The following SUN2 variants were observed in gnomAD, a reference collection of about 807,000 sequenced individuals.
The protein encoded by SUN2 is SUN domain-containing protein 2.
In SUN2, 60 loss-of-function variants were observed where a neutral mutation model predicts 100.0. That is an observed-to-expected ratio of 0.60 (90% CI 0.49 to 0.74). The LOEUF (loss-of-function observed/expected upper bound fraction) is 0.74. Ranked by LOEUF, SUN2 falls within the 30% of genes least tolerant of loss-of-function variation. The pLI is 0.00. For missense variants in SUN2, 834 were observed against 954.6 expected (o/e 0.87, Z 1.66); for synonymous variants, 367 against 403.3 (o/e 0.91, Z 1.08).
In SUN2 at chr22:38,755,686, C is replaced by G; in HGVS notation, c.-38+77G>C. On this transcript the variant is annotated intron_variant, in intron 1 of 17. Transcript: ENST00000689035. This position sits in a 1 kb window ranked among gnomAD's most constrained non-coding sequence, Gnocchi z 5.7. ...AGCAGGCCTGGCGGCGCGGCCCCGC[C>G]CGAGTGGCCCGACGGTGACCCGGGG... 5 of 982,714 alleles carry G rather than the reference C, an allele frequency of 5.1e-6. No individual in the cohort carries two copies. Among genetic ancestry groups the G allele is most frequent in the Non-Finnish European group, 6.0e-6 (5 of 827,516 alleles). The allele number at this position is 982,714 out of a possible 1,614,324, so 60.9% of individuals were successfully genotyped here.
In SUN2 at chr22:38,740,568, G is replaced by C. The variant is rs957904349; in HGVS notation, c.1191-136C>G. ...CAGCACTCATTGTGAACCTGAGAAGGGGCAAGGCCTCTCCTGGGGGTTCTG... is the reference window on the plus strand; with the variant it reads ...CAGCACTCATTGTGAACCTGAGAAGCGGCAAGGCCTCTCCTGGGGGTTCTG... On this transcript the variant is annotated intron_variant, in intron 11 of 17. Coordinates refer to ENST00000689035, the MANE Select transcript of SUN2 (RefSeq NM_015374.3). This position sits in a 1 kb window ranked among gnomAD's most constrained non-coding sequence, Gnocchi z 4.8. 29 of 943,244 alleles carry C rather than the reference G, an allele frequency of 3.1e-5. No individual in the cohort carries two copies. Among genetic ancestry groups the C allele is most frequent in the Non-Finnish European group, 4.2e-5 (28 of 663,004 alleles). The allele number at this position is 943,244 out of a possible 1,614,324, so 58.4% of individuals were successfully genotyped here.
At chr22:38,754,605 C>T (rs1289803638) in intron 1 of SUN2, 4 of 434,398 alleles carry the variant, frequency 9.2e-6, no homozygotes, top group Non-Finnish European at 9.0e-6. Context: ...AGGTAATCTC[C>T]CCTCCCCCCT....
Position 38,739,883 on chromosome 22 carries a change from C to T in SUN2, c.1417G>A (p.Val473Met), listed in dbSNP as rs200401658. The stretch of plus-strand genomic sequence containing the variant: ...ATCTCCTCTCTCTGAAGGAGCCCCA[C>T]GCGGCCCCCTCCACCTCGGGCAAGG... Reference protein sequence around the residue: ...QFLARGGGGRVGLLQREEMQA... With the variant: ...QFLARGGGGRMGLLQREEMQA... Residue 473 changes from valine (V) to methionine (M), a missense_variant, in exon 13 of 18, where the codon GTG (valine) becomes ATG (methionine). Around this residue, in one of 3 missense-constraint regions of SUN2, gnomAD observed 195 missense variants for 280.2 expected, o/e 0.70. Transcript: ENST00000689035. This position sits in a 1 kb window ranked among gnomAD's most constrained non-coding sequence, Gnocchi z 6.7. 2.2e-5 allele frequency: 36 copies of T among 1,613,288 alleles called. 1 individual carries two copies. The East Asian group carries it at 4.7e-4, about 21-fold the overall frequency.
In SUN2 at chr22:38,740,825, C is replaced by T; in HGVS notation, c.1190+182G>A. On this transcript the variant is annotated intron_variant, in intron 11 of 17. Coordinates refer to ENST00000689035, the MANE Select transcript of SUN2 (RefSeq NM_015374.3). The surrounding 1 kb of genome is among the most constrained non-coding windows in gnomAD (Gnocchi z 4.8). ...CCCTCAGGACCCCCCTGCTAACCTC[C>T]ATGGCACCTCAAAGACAGGCCCTGG... The T allele has an allele frequency of 1.5e-6, 1 of 665,728 alleles. No homozygotes were observed. Among genetic ancestry groups the T allele is most frequent in the South Asian group, 1.8e-5 (1 of 54,818 alleles). The allele number at this position is 665,728 out of a possible 1,614,324, so 41.2% of individuals were successfully genotyped here.
chr22:38,736,231 TCCCAGATGGCTGGCAGCAG>T lies in SUN2; in HGVS notation c.*17_*35del. ...AAGCGGCGGGGTGCTGTTCACCCAC[TCCCAGATGGCTGGCAGCAG>T]GCACCAGTAAGCAGGGCTAGTGGGC... On this transcript the variant is annotated 3_prime_UTR_variant, in exon 18 of 18. Coordinates refer to ENST00000689035, the MANE Select transcript of SUN2 (RefSeq NM_015374.3). 6.3e-7 allele frequency: 1 copy of T among 1,593,030 alleles called. No homozygotes were observed. The highest frequency in any genetic ancestry group is 8.6e-7 in the Non-Finnish European group (1 of 1,164,124).
intron 8 of SUN2, among the ~76,000 whole-genome samples, chr22:38,744,528 T>G (rs189388356): frequency 1.3e-5 from 2 of 152,044 alleles, no homozygotes; most frequent in Non-Finnish European, 2.9e-5. Flanking sequence ...TTACAATGAG[T>G]TATGATTATA....
chr22:38,750,411 C>A, intron 4 of SUN2, 91 bp from the exon 5 acceptor site: 1 of 1,559,914 alleles, frequency 6.4e-7, no homozygotes, highest in South Asian at 1.2e-5. Flanking sequence ...AAGTCACCCA[C>A]CCTCCTTCAC....
At chr22:38,753,857 T>G (rs993579905) in intron 1 of SUN2, among the ~76,000 whole-genome samples, 10 of 152,282 alleles carry the variant, frequency 6.6e-5, no homozygotes, top group African/African-American at 2.2e-4. Flanking sequence ...AGGGCCTGGG[T>G]CTTTCTACTC....
chr22:38,755,047 C>CTCA lies in SUN2; in HGVS notation c.-38+713_-38+715dup. ...CTCCCTAACAATCAGTTAGGAAACG[C>CTCA]TCATCGGAAAGCATCCTTCCCCACT... On this transcript the variant is annotated intron_variant, in intron 1 of 17. Coordinates refer to ENST00000689035, the MANE Select transcript of SUN2 (RefSeq NM_015374.3). This position sits in a 1 kb window ranked among gnomAD's most constrained non-coding sequence, Gnocchi z 5.7. The CTCA allele has an allele frequency of 8.9e-7, 1 of 1,129,048 alleles. No individual in the cohort carries two copies. The highest frequency in any genetic ancestry group is 1.1e-6 in the Non-Finnish European group (1 of 878,340). The allele number at this position is 1,129,048 out of a possible 1,614,324, so 69.9% of individuals were successfully genotyped here. A position where few individuals can be genotyped will look rare whatever the true frequency, so the allele number is the denominator to read the frequency against.
chr22:38,751,077 G>A, intron 3 of SUN2, 42 bp from the exon 4 acceptor site: 1 of 1,609,392 alleles, frequency 6.2e-7, no homozygotes, highest in South Asian at 1.1e-5. Flanking sequence ...GCCTCCAAGA[G>A]CTTCTGAAAA....
rs765926585 is a variant in SUN2, at chr22:38,749,857, G to A, written c.523C>T (p.Arg175Trp). 29 of 1,612,476 alleles carry A rather than the reference G, an allele frequency of 1.8e-5. No homozygotes were observed. Among genetic ancestry groups the A allele is most frequent in the Middle Eastern group, 3.3e-4 (2 of 6,076 alleles). The change falls in exon 6 of 18, where the codon CGG becomes TGG. Residue 175 changes from arginine (R) to tryptophan (W), a missense_variant and splice_region_variant. By Grantham distance (101) the Arg-to-Trp change is moderately radical (BLOSUM62 -3). Around this residue, in one of 3 missense-constraint regions of SUN2, gnomAD observed 559 missense variants for 597.7 expected, o/e 0.94. Transcript: ENST00000689035. ...CACCAGTAGAGAAGTCTGAAGAGCC[G>A]GCCTGGAAGAATGACCATCAAGCCG... ...LLWMVATSPG[R>W]LFRLLYWWAG...
In SUN2 at chr22:38,748,752, A is replaced by G; in HGVS notation, c.646T>C (p.Phe216Leu). ...RFSSLKTFLW[F>L]LLPLLLLTCL... ...GTCAGCAAGAGCAGCGGCAGCAGGA[A>G]CCAGAGGAACGTCTTCAGGGACGAG... Residue 216 changes from phenylalanine to leucine, a missense_variant, in exon 7 of 18, where the codon TTC (phenylalanine) becomes CTC (leucine). By Grantham distance (22) the Phe-to-Leu change is conservative. Around this residue, in one of 3 missense-constraint regions of SUN2, gnomAD observed 559 missense variants for 597.7 expected, o/e 0.94. Coordinates refer to ENST00000689035, the MANE Select transcript of SUN2 (RefSeq NM_015374.3). 6.2e-7 allele frequency: 1 copy of G among 1,614,198 alleles called. No individual in the cohort carries two copies. Among genetic ancestry groups the G allele is most frequent in the Non-Finnish European group, 8.5e-7 (1 of 1,180,028 alleles).
intron 3 of SUN2, 22 bp from the exon 4 acceptor site, chr22:38,751,057 G>C: frequency 6.2e-7 from 1 of 1,610,236 alleles, no homozygotes; most frequent in Non-Finnish European, 8.5e-7. Flanking sequence ...AGAACCAGGG[G>C]CTCTTCTGGG....
intron 8 of SUN2, chr22:38,743,432 C>G (rs1006557954): frequency 6.6e-6 from 1 of 152,098 alleles, no homozygotes; most frequent in Non-Finnish European, 1.5e-5. Flanking sequence ...ACTAAATATA[C>G]AAAAATTAGC....
rs1049243718 is a variant in SUN2, at chr22:38,739,590, A to C, written c.1578+132T>G. 2 of 1,309,204 alleles carry C rather than the reference A, an allele frequency of 1.5e-6. No homozygotes were observed. The highest frequency in any genetic ancestry group is 2.9e-5 in the African/African-American group (2 of 68,648). The allele number at this position is 1,309,204 out of a possible 1,614,324, so 81.1% of individuals were successfully genotyped here. On this transcript the variant is annotated intron_variant, in intron 13 of 17. Coordinates refer to ENST00000689035, the MANE Select transcript of SUN2 (RefSeq NM_015374.3). This position sits in a 1 kb window ranked among gnomAD's most constrained non-coding sequence, Gnocchi z 6.7. ...ACTGCCACCCACCCATGCCAGCCCCACAGCATGCAAAGCCTCCTGCTTGGC... is the reference window on the plus strand; with the variant it reads ...ACTGCCACCCACCCATGCCAGCCCCCCAGCATGCAAAGCCTCCTGCTTGGC...
chr22:38,740,057 G>T lies in SUN2; in HGVS notation c.1357-114C>A. 7.6e-7 allele frequency: 1 copy of T among 1,310,556 alleles called. No individual in the cohort carries two copies. Among genetic ancestry groups the T allele is most frequent in the Non-Finnish European group, 1.0e-6 (1 of 957,632 alleles). 81.2% of individuals were successfully genotyped at this position (1,310,556 alleles called of 1,614,324 possible). A position where few individuals can be genotyped will look rare whatever the true frequency, so the allele number is the denominator to read the frequency against. ...GGGATAGGGTAGGAGGGAGGCCACT[G>T]GAGGAAAGAGTTATGAACACTCCAT... On this transcript the variant is annotated intron_variant, in intron 12 of 17. Transcript: ENST00000689035. This position sits in a 1 kb window ranked among gnomAD's most constrained non-coding sequence, Gnocchi z 4.8.
Position 38,753,285 on chromosome 22 carries a change from G to A in SUN2, c.-37-620C>T, listed in dbSNP as rs1369306940. On this transcript the variant is annotated intron_variant, in intron 1 of 17. Transcript: ENST00000689035. The stretch of plus-strand genomic sequence containing the variant: ...GGCTGAAGTGCAGTGGTGCAATCTT[G>A]GCTCACTGCAACCTCTACCTCCCAG... 1.0e-4 allele frequency among the ~76,000 whole-genome samples: 13 copies of A among 128,204 alleles called. No homozygotes were observed. The Admixed American group carries it at 1.2e-3, about 12-fold the overall frequency. 84.1% of individuals were successfully genotyped at this position (128,204 alleles called of 152,430 possible). A position where few individuals can be genotyped will look rare whatever the true frequency, so the allele number is the denominator to read the frequency against.
chr22:38,753,443 T>C (rs2092963149), intron 1 of SUN2, among the ~76,000 whole-genome samples: 1 of 152,118 alleles, frequency 6.6e-6, no homozygotes, highest in African/African-American at 2.4e-5. Flanking sequence ...CTCGAACTCC[T>C]GACCTCAGGT....
intron 7 of SUN2, among the ~76,000 whole-genome samples, chr22:38,746,367 A>G (rs2092903427): frequency 6.6e-6 from 1 of 152,198 alleles, no homozygotes; most frequent in African/African-American, 2.4e-5. Context: ...GCAGCCACAC[A>G]GAGACATGTT....
Sources: allele counts gnomAD v4.1 joint callset (sites outside exome capture counted in the v4.1 genomes callset), GRCh38; gene constraint gnomAD v4.1.1; regional missense constraint gnomAD v4.1.1; non-coding constraint Gnocchi (gnomAD v3.1); transcripts MANE v1.5; gene names NCBI Gene and HGNC (gene_info 2026-07-23, HGNC 2026-07-21).